Variants in NQO1 observed in about 807,000 individuals in gnomAD.
The protein encoded by NQO1 is NAD(P)H quinone dehydrogenase 1.
Under a neutral mutation model 32.1 loss-of-function variants are expected in NQO1, and 30 were observed. The observed-to-expected ratio is 0.94, with a 90% CI of 0.70 to 1.27. NQO1 has a LOEUF of 1.27. NQO1 is among the 50% of genes most tolerant of loss of function. The probability of loss-of-function intolerance (pLI) is 0.00; values close to 1 mark genes in which losing one functional copy is unlikely to be tolerated. For missense variants in NQO1, 276 were observed against 331.3 expected (o/e 0.83, Z 1.30); for synonymous variants, 109 against 119.7 (o/e 0.91, Z 0.59).
intron 3 of NQO1, among the ~76,000 whole-genome samples, chr16:69,717,542 T>C (rs948061901): frequency 1.3e-5 from 2 of 151,480 alleles, no homozygotes; most frequent in Non-Finnish European, 2.9e-5. Flanking sequence ...AAGGGGAGAC[T>C]AAGTACCTGG....
chr16:69,717,959 A>G (rs1567632619), intron 3 of NQO1, 164 bp downstream of exon 3: 4 of 1,032,276 alleles, frequency 3.9e-6, no homozygotes, highest in East Asian at 4.9e-5. Context: ...GATTCCCAAT[A>G]TCTGTGAAAT....
chr16:69,723,695 G>C (rs1025306532), intron 1 of NQO1, among the ~76,000 whole-genome samples: 1 of 151,868 alleles, frequency 6.6e-6, no homozygotes, highest in Admixed American at 6.6e-5. Flanking sequence ...CCAGCTAATC[G>C]GGAGGCTGAG....
intron 3 of NQO1, among the ~76,000 whole-genome samples, chr16:69,715,982 C>T: frequency 6.6e-6 from 1 of 151,674 alleles, no homozygotes; most frequent in Non-Finnish European, 1.5e-5. Context: ...GCCTGGGCAA[C>T]AAAGTGAGAC....
intron 3 of NQO1, among the ~76,000 whole-genome samples, chr16:69,717,081 A>T (rs1447646592): frequency 6.9e-6 from 1 of 144,662 alleles, no homozygotes. Flanking sequence ...TTGAATAACT[A>T]AAAAAAAAAA....
Position 69,711,014 on chromosome 16 carries a change from A to T in NQO1, c.787T>A (p.Ser263Thr), listed in dbSNP as rs769463789. The part of the protein sequence containing the change: ...GLSVGHHLGK[S>T]IPTDNQIKAR... ...TTGATCTGGTTGTCAGTTGGGATGG[A>T]CTTGCCCAAGTGATGGCCCACAGAA... The change falls in exon 6 of 6, where the codon TCC becomes ACC. Residue 263 changes from serine (S) to threonine (T), a missense_variant. By Grantham distance (58) the Ser-to-Thr change is moderately conservative. Transcript: ENST00000320623. The T allele has an allele frequency of 5.0e-6, 8 of 1,614,000 alleles. No homozygotes were observed. The East Asian group carries it at 1.8e-4, about 36-fold the overall frequency.
chr16:69,716,475 G>A (rs78657600), intron 3 of NQO1, among the ~76,000 whole-genome samples: 1 of 151,622 alleles, frequency 6.6e-6, no homozygotes, highest in African/African-American at 2.4e-5. Flanking sequence ...CTGGGCAACA[G>A]AGCGAGACTC....
rs140841866 is a variant in NQO1, at chr16:69,718,495, G to A, written c.47C>T (p.Thr16Met). ...CTCCTTCATGGCATAGTTGAAGGAC[G>A]TCCTCTCTGAGTGAGCCAGTACGAT... The part of the protein sequence containing the change: ...ALIVLAHSER[T>M]SFNYAMKEAA... The change falls in exon 2 of 6, where the codon ACG becomes ATG. Residue 16 changes from threonine (T) to methionine (M), a missense_variant. By Grantham distance (81) the Thr-to-Met change is moderately conservative (BLOSUM62 -1). Coordinates refer to ENST00000320623, the MANE Select transcript of NQO1 (RefSeq NM_000903.3). 2.3e-5 allele frequency: 37 copies of A among 1,613,950 alleles called. No individual in the cohort carries two copies. The highest frequency in any genetic ancestry group is 1.1e-4 in the African/African-American group (8 of 74,902).
Position 69,715,068 on chromosome 16 carries a change from G to A in NQO1, c.313C>T (p.Gln105Ter). The change falls in exon 4 of 6, where the codon CAG (glutamine) becomes TAG (stop). Residue 105 changes from glutamine (Q) to a stop codon, truncating the protein, a stop_gained. Transcript: ENST00000320623. LOFTEE classifies it high-confidence loss of function. ...ADLVIFQFPL[Q>*]WFGVPAILKG... ...AGAATGGCAGGGACTCCAAACCACT[G>A]CAGGGGGAACTGTGGGACAGAAGAC... The A allele has an allele frequency of 6.2e-7, 1 of 1,612,964 alleles. No individual in the cohort carries two copies. The highest frequency in any genetic ancestry group is 8.5e-7 in the Non-Finnish European group (1 of 1,179,140).
At chr16:69,726,329 T>G in intron 1 of NQO1, 104 bp downstream of exon 1, 1 of 1,499,798 alleles carries the variant, frequency 6.7e-7, no homozygotes, top group Non-Finnish European at 9.1e-7. Flanking sequence ...TTTGTGGGTT[T>G]TGAGTCAAGG....
intron 4 of NQO1, among the ~76,000 whole-genome samples, chr16:69,714,602 G>A (rs988282131): frequency 6.6e-6 from 1 of 151,686 alleles, no homozygotes; most frequent in South Asian, 2.1e-4. Context: ...CATCAGAGCC[G>A]GGCACAGTGG....
At chr16:69,713,168 C>T (rs754870601) in intron 4 of NQO1, 39 bp from the exon 5 acceptor site, 1 of 1,437,378 alleles carries the variant, frequency 7.0e-7, no homozygotes, top group Non-Finnish European at 9.8e-7. Context: ...CACTTCCCTC[C>T]ACATCCCCTT....
chr16:69,720,060 C>CT (rs2038168868), intron 1 of NQO1, among the ~76,000 whole-genome samples: 1 of 152,068 alleles, frequency 6.6e-6, no homozygotes, highest in South Asian at 2.1e-4. Flanking sequence ...CAAGACCAGC[C>CT]TGGGCAACAT....
In NQO1 at chr16:69,710,965, G is replaced by A. The variant is rs746960254; in HGVS notation, c.*11C>T. ...GATAACATGTTAGAAGGAAATCCAG[G>A]CTAAGGAATCTCATTTTCTAGCTTT... On this transcript the variant is annotated 3_prime_UTR_variant, in exon 6 of 6. Transcript: ENST00000320623. 2 of 1,605,860 alleles carry A rather than the reference G, an allele frequency of 1.2e-6. No individual in the cohort carries two copies. The highest frequency in any genetic ancestry group is 1.7e-6 in the Non-Finnish European group (2 of 1,175,336).
At chr16:69,721,140 C>T (rs531899770) in intron 1 of NQO1, among the ~76,000 whole-genome samples, 2 of 152,056 alleles carry the variant, frequency 1.3e-5, no homozygotes, top group South Asian at 4.2e-4. Flanking sequence ...TTTTGCCTGC[C>T]TCAGCCTCCT....
intron 3 of NQO1, among the ~76,000 whole-genome samples, chr16:69,715,759 C>T (rs920209296): frequency 6.6e-6 from 1 of 152,104 alleles, no homozygotes; most frequent in Non-Finnish European, 1.5e-5. Flanking sequence ...CAGAGTGAGA[C>T]CCCATCGTGG....
At chr16:69,715,692 C>T (rs1464069791) in intron 3 of NQO1, among the ~76,000 whole-genome samples, 3 of 152,184 alleles carry the variant, frequency 2.0e-5, no homozygotes, top group East Asian at 1.9e-4. Context: ...CACTTGAACC[C>T]GGGAGGTGGA....
intron 1 of NQO1, among the ~76,000 whole-genome samples, chr16:69,725,753 A>G (rs1445770476): frequency 1.3e-5 from 2 of 152,240 alleles, no homozygotes; most frequent in Non-Finnish European, 2.9e-5. Context: ...GCACTCCTGT[A>G]ATCCCAGCTA....
At position 69,726,423 on chromosome 16, in the gene NQO1, C is replaced by T. The variant is rs1235486718; in HGVS notation, c.7+10G>A. 11 of 1,612,022 alleles carry T rather than the reference C, an allele frequency of 6.8e-6. No homozygotes were observed. Among genetic ancestry groups the T allele is most frequent in the Non-Finnish European group, 8.5e-6 (10 of 1,179,530 alleles). The stretch of plus-strand genomic sequence containing the variant: ...CGACCGCCAAGCACCCCGCCCTTTG[C>T]AGCACTCACCGACCATGGCTCTGGT... On this transcript the variant is annotated intron_variant, in intron 1 of 5. Transcript: ENST00000320623.
At chr16:69,726,383 C>A in intron 1 of NQO1, 50 bp downstream of exon 1, 1 of 1,609,004 alleles carries the variant, frequency 6.2e-7, no homozygotes, top group Non-Finnish European at 8.5e-7. Context: ...TCCACAGGCA[C>A]CAGTGCTCGA....
Sources: allele counts gnomAD v4.1 joint callset (sites outside exome capture counted in the v4.1 genomes callset), GRCh38; gene constraint gnomAD v4.1.1; transcripts MANE v1.5; gene names NCBI Gene and HGNC (gene_info 2026-07-23, HGNC 2026-07-21).